TMTC1: variants seen among roughly 807,000 people sequenced by gnomAD.
TMTC1 encodes the protein transmembrane O-mannosyltransferase targeting cadherins 1.
In TMTC1, 73 loss-of-function variants were observed where a neutral mutation model predicts 104.8. That is an observed-to-expected ratio of 0.70 (90% confidence interval 0.58 to 0.85). The LOEUF (loss-of-function observed/expected upper bound fraction) is 0.85. Ranked by LOEUF, TMTC1 falls within the 40% of genes least tolerant of loss-of-function variation. The pLI, the probability that TMTC1 is intolerant of heterozygous loss-of-function variation, is 0.00. For synonymous variants in TMTC1, 434 were observed against 428.7 expected (o/e 1.01, Z -0.15); for missense variants, 1,035 against 1,096.1 (o/e 0.94, Z 0.79).
chr12:29,675,915 C>T (rs556486981), intron 5 of TMTC1, among the ~76,000 whole-genome samples: 2 of 152,198 alleles, frequency 1.3e-5, no homozygotes, highest in Non-Finnish European at 2.9e-5. Flanking sequence ...GAGTCCCCCT[C>T]TGTGTGCAAT....
Position 29,755,841 on chromosome 12 carries a change from A to C in TMTC1, c.599T>G (p.Val200Gly). Residue 200 changes from valine to glycine, a missense_variant, in exon 4 of 18, where the codon GTG becomes GGG. Transcript: ENST00000539277. Reference protein sequence around the residue: ...GCVGGSFPSTVSPFFLLLSLF... With the variant: ...GCVGGSFPSTGSPFFLLLSLF... Reference sequence around the variant, plus strand: ...ACTGAGCAGCAAGAAGAAGGGAGACACCGTGGAAGGGAAACTTCCCCCAAC... The same window carrying C: ...ACTGAGCAGCAAGAAGAAGGGAGACCCCGTGGAAGGGAAACTTCCCCCAAC... The C allele has an allele frequency of 6.2e-7, 1 of 1,614,206 alleles. No individual in the cohort carries two copies. Among genetic ancestry groups the C allele is most frequent in the Non-Finnish European group, 8.5e-7 (1 of 1,180,016 alleles).
intron 6 of TMTC1, among the ~76,000 whole-genome samples, chr12:29,616,547 A>G (rs1195944242): frequency 6.6e-6 from 1 of 151,940 alleles, no homozygotes; most frequent in African/African-American, 2.4e-5. Context: ...GGACGCCTGT[A>G]ATCCCAGCTA....
At chr12:29,521,566 C>CTTTTTTTTT (rs3036151) in intron 11 of TMTC1, among the ~76,000 whole-genome samples, 2 of 89,642 alleles carry the variant, frequency 2.2e-5, no homozygotes, top group African/African-American at 3.5e-5. Context: ...TTCTTTCTTT[C>CTTTTTTTTT]TTTTTTTTTT....
intron 10 of TMTC1, among the ~76,000 whole-genome samples, chr12:29,553,155 T>C (rs1296972975): frequency 6.6e-6 from 1 of 152,142 alleles, no homozygotes; most frequent in South Asian, 2.1e-4. Flanking sequence ...TGGAAAGCTA[T>C]TTGGGCACGT....
chr12:29,640,187 G>C (rs890867832), intron 5 of TMTC1, among the ~76,000 whole-genome samples: 2 of 152,200 alleles, frequency 1.3e-5, no homozygotes, highest in Admixed American at 6.5e-5. Flanking sequence ...ATTGTGTTCT[G>C]TTAAAGTTCC....
chr12:29,610,981 C>A (rs549769430), intron 6 of TMTC1, among the ~76,000 whole-genome samples: 3 of 152,104 alleles, frequency 2.0e-5, no homozygotes, highest in Admixed American at 1.3e-4. Context: ...AGAAATTATA[C>A]CCCCTCAGAG....
intron 1 of TMTC1, among the ~76,000 whole-genome samples, chr12:29,770,643 A>G (rs1943574181): frequency 6.6e-6 from 1 of 152,206 alleles, no homozygotes; most frequent in Admixed American, 6.5e-5. Context: ...CAGTAATGAC[A>G]TAATGCTGTG....
chr12:29,527,507 T>TTTG (rs1203474269), intron 11 of TMTC1, among the ~76,000 whole-genome samples: 1 of 152,222 alleles, frequency 6.6e-6, no homozygotes, highest in African/African-American at 2.4e-5. Flanking sequence ...ATGATCCAAA[T>TTTG]GCCCAAGGGC....
intron 10 of TMTC1, among the ~76,000 whole-genome samples, chr12:29,555,489 G>A (rs375883162): frequency 2.0e-5 from 3 of 146,694 alleles, no homozygotes; most frequent in Admixed American, 6.9e-5. Flanking sequence ...CCTACCCCCC[G>A]ACAGGCCCCA....
intron 7 of TMTC1, among the ~76,000 whole-genome samples, chr12:29,598,585 T>C (rs1307618858): frequency 6.6e-6 from 1 of 152,238 alleles, no homozygotes; most frequent in African/African-American, 2.4e-5. Context: ...TCTCACTGAA[T>C]TTTTTCATTG....
chr12:29,618,312 T>C, intron 6 of TMTC1, among the ~76,000 whole-genome samples: 1 of 152,174 alleles, frequency 6.6e-6, no homozygotes, highest in Non-Finnish European at 1.5e-5. Flanking sequence ...GATACTACAG[T>C]GTGGAGATGC....
chr12:29,721,957 G>C (rs1713075019), intron 5 of TMTC1, among the ~76,000 whole-genome samples: 2 of 151,300 alleles, frequency 1.3e-5, no homozygotes, highest in Admixed American at 1.3e-4. Flanking sequence ...TTGTTTTTCA[G>C]TTCTGGAAAT....
chr12:29,519,719 G>C (rs570862894), intron 12 of TMTC1: 1 of 152,164 alleles, frequency 6.6e-6, no homozygotes, highest in Non-Finnish European at 1.5e-5. Flanking sequence ...TGCCCAACTA[G>C]AGGTTTCTTC....
At chr12:29,738,513 G>A (rs1212691119) in intron 5 of TMTC1, among the ~76,000 whole-genome samples, 2 of 152,154 alleles carry the variant, frequency 1.3e-5, no homozygotes, top group African/African-American at 4.8e-5. Flanking sequence ...GTCAATATTA[G>A]GCTGCAGAGC....
At chr12:29,659,864 A>G in intron 5 of TMTC1, 20 of 1,503,818 alleles carry the variant, frequency 1.3e-5, no homozygotes, top group Non-Finnish European at 1.8e-5. Context: ...GTTTTAAAAA[A>G]ATTATTTATA....
At chr12:29,694,456 T>C (rs1941355143) in intron 5 of TMTC1, among the ~76,000 whole-genome samples, 3 of 152,338 alleles carry the variant, frequency 2.0e-5, no homozygotes, top group South Asian at 4.1e-4. Context: ...AGATTACTTA[T>C]AATACCTAAT....
At chr12:29,600,383 T>C (rs370450560) in intron 7 of TMTC1, among the ~76,000 whole-genome samples, 260 of 152,244 alleles carry the variant, frequency 1.7e-3, no homozygotes, top group Non-Finnish European at 3.0e-3. Context: ...TCAATATTTA[T>C]AAAATGGCTT....
intron 5 of TMTC1, among the ~76,000 whole-genome samples, chr12:29,738,317 T>G (rs1302281114): frequency 6.6e-6 from 1 of 152,176 alleles, no homozygotes; most frequent in Non-Finnish European, 1.5e-5. Flanking sequence ...CTAAAATCAT[T>G]TTTTGGGAAA....
intron 5 of TMTC1, among the ~76,000 whole-genome samples, chr12:29,643,635 T>TA (rs372544832): frequency 2.3e-4 from 5 of 21,976 alleles, no homozygotes; most frequent in Admixed American, 1.0e-3. Context: ...ATATTATATA[T>TA]ATAATATATA....
Sources: gnomAD v4.1 joint callset for allele counts (sites outside exome capture counted in the v4.1 genomes callset) on GRCh38, gnomAD v4.1.1 for gene constraint, MANE v1.5 for transcripts, NCBI Gene and HGNC (gene_info 2026-07-23, HGNC 2026-07-21) for gene names.